The following RGS6 variants were observed in gnomAD, a reference collection of about 807,000 sequenced individuals.
RGS6 encodes the protein regulator of G protein signaling 6, also known as regulator of G-protein signaling 6.
A neutral mutation model predicts 78.5 loss-of-function variants in RGS6; 30 were observed. The ratio of observed to expected loss-of-function variants is 0.38; its 90% CI spans 0.29 to 0.52. RGS6 has a LOEUF of 0.52. RGS6 is among the 20% of genes least tolerant of loss of function. The pLI is 0.85. For synonymous variants in RGS6, 206 were observed against 206.0 expected (o/e 1.00, Z 0.00); for missense variants, 495 against 609.7 (o/e 0.81, Z 1.98).
intron 2 of RGS6, among the ~76,000 whole-genome samples, chr14:72,196,621 T>A (rs938744335): frequency 6.6e-6 from 1 of 152,220 alleles, no homozygotes; most frequent in African/African-American, 2.4e-5. Context: ...AGGGAAAATA[T>A]GTGTACCACA....
chr14:72,123,200 A>G (rs747421491), intron 2 of RGS6, among the ~76,000 whole-genome samples: 2 of 152,112 alleles, frequency 1.3e-5, no homozygotes, highest in African/African-American at 2.4e-5. Flanking sequence ...TTCCTCCTGC[A>G]TCACCTCCCA....
intron 2 of RGS6, among the ~76,000 whole-genome samples, chr14:72,340,846 C>T (rs2076857526): frequency 6.6e-6 from 1 of 152,024 alleles, no homozygotes; most frequent in Admixed American, 6.5e-5. Context: ...ATGTAGAGGA[C>T]CAGGAGTGAT....
intron 2 of RGS6, among the ~76,000 whole-genome samples, chr14:72,147,389 T>C (rs920279367): frequency 1.3e-5 from 2 of 152,232 alleles, no homozygotes; most frequent in African/African-American, 4.8e-5. Context: ...AGCCAGCGTC[T>C]GGCAAGAACC....
the RGS6 span, among the ~76,000 whole-genome samples, chr14:72,587,233 A>T: frequency 2.6e-5 from 4 of 151,600 alleles, no homozygotes; most frequent in African/African-American, 9.8e-5. Flanking sequence ...ACTGAAAACC[A>T]CATCCATTTC....
chr14:72,584,837 T>C, the RGS6 span, among the ~76,000 whole-genome samples: 7 of 152,126 alleles, frequency 4.6e-5, no homozygotes, highest in Non-Finnish European at 1.0e-4. Context: ...AGCCAGGTTT[T>C]TGGAAGTTGG....
At chr14:72,027,329 G>T (rs1431367470) in intron 2 of RGS6, among the ~76,000 whole-genome samples, 1 of 152,136 alleles carries the variant, frequency 6.6e-6, no homozygotes, top group Middle Eastern at 3.2e-3. Context: ...GTGCCTCTTA[G>T]AGTCTCTTAC....
chr14:72,260,613 C>T (rs1413037511), intron 2 of RGS6, among the ~76,000 whole-genome samples: 1 of 152,056 alleles, frequency 6.6e-6, no homozygotes, highest in Non-Finnish European at 1.5e-5. Flanking sequence ...GTGCTCTTAC[C>T]CTTTCCCCAA....
At chr14:71,876,071 G>A in the RGS6 span, among the ~76,000 whole-genome samples, 1 of 152,068 alleles carries the variant, frequency 6.6e-6, no homozygotes, top group Non-Finnish European at 1.5e-5. Flanking sequence ...CCAACTATGT[G>A]GTCAATTTTG....
intron 12 of RGS6, among the ~76,000 whole-genome samples, chr14:72,485,598 T>C (rs528184428): frequency 5.3e-5 from 8 of 152,370 alleles, no homozygotes; most frequent in South Asian, 2.1e-4. Context: ...TTGATGAACT[T>C]GCCTTCACAC....
At chr14:72,629,968 CA>C in the RGS6 span, among the ~76,000 whole-genome samples, 1 of 152,114 alleles carries the variant, frequency 6.6e-6, no homozygotes, top group African/African-American at 2.4e-5. Context: ...GCACTGAGAC[CA>C]TATTCCCCAG....
chr14:72,605,748 G>C, the RGS6 span, among the ~76,000 whole-genome samples: 1 of 152,286 alleles, frequency 6.6e-6, no homozygotes, highest in South Asian at 2.1e-4. Flanking sequence ...CCCAAGTGGA[G>C]ATCAGACCCC....
At chr14:72,016,501 G>A (rs1426623325) in intron 2 of RGS6, among the ~76,000 whole-genome samples, 1 of 152,156 alleles carries the variant, frequency 6.6e-6, no homozygotes, top group Non-Finnish European at 1.5e-5. Flanking sequence ...GAGTAGCTGG[G>A]ACTACAGGTG....
chr14:72,313,637 G>A (rs937736024), intron 2 of RGS6, among the ~76,000 whole-genome samples: 8 of 152,144 alleles, frequency 5.3e-5, no homozygotes, highest in Non-Finnish European at 1.2e-4. Flanking sequence ...TTATCTACAC[G>A]AGCCTCCCAT....
At chr14:72,416,713 A>G (rs1442746775) in intron 3 of RGS6, among the ~76,000 whole-genome samples, 1 of 152,206 alleles carries the variant, frequency 6.6e-6, no homozygotes, top group Non-Finnish European at 1.5e-5. Flanking sequence ...CTCTGAAGTC[A>G]AACTCAGGAA....
the RGS6 span, chr14:72,619,897 C>T: frequency 6.5e-7 from 1 of 1,529,286 alleles, no homozygotes; most frequent in South Asian, 1.2e-5. Context: ...ACTTCATCAT[C>T]ATTACCTTCT....
chr14:72,610,225 AGT>A, the RGS6 span, among the ~76,000 whole-genome samples: 1 of 152,214 alleles, frequency 6.6e-6, no homozygotes, highest in African/African-American at 2.4e-5. Context: ...TGGAGATCTC[AGT>A]GTGTTTCCAG....
intron 1 of RGS6, among the ~76,000 whole-genome samples, chr14:71,945,601 G>A (rs898828840): frequency 4.6e-5 from 7 of 151,976 alleles, no homozygotes; most frequent in Admixed American, 2.0e-4. Context: ...TGAAATATGG[G>A]GTCATCTGAC....
intron 3 of RGS6, among the ~76,000 whole-genome samples, chr14:72,423,837 A>T (rs895566040): frequency 7.2e-5 from 11 of 152,198 alleles, no homozygotes; most frequent in Non-Finnish European, 1.2e-4. Context: ...GTCAAAACAA[A>T]ATATTCATTC....
chr14:72,478,223 AT>A, intron 11 of RGS6, 44 bp from the exon 12 acceptor site: 1 of 1,487,442 alleles, frequency 6.7e-7, no homozygotes. Flanking sequence ...GGGGAAAAAA[AT>A]AATTTTAGTT....
Sources: allele counts gnomAD v4.1 joint callset (sites outside exome capture counted in the v4.1 genomes callset), GRCh38; gene constraint gnomAD v4.1.1; transcripts MANE v1.5; gene names NCBI Gene and HGNC (gene_info 2026-07-23, HGNC 2026-07-21).